TMEM123: variants seen among roughly 807,000 people sequenced by gnomAD.
TMEM123 encodes porimin.
In TMEM123, 16 loss-of-function variants were observed where a neutral mutation model predicts 19.7. The ratio of observed to expected loss-of-function variants is 0.81; its 90% CI spans 0.55 to 1.23. The LOEUF is 1.23. Ranked by LOEUF, TMEM123 falls within the 50% of genes most tolerant of loss-of-function variation. TMEM123 has a pLI of 0.00. For synonymous variants in TMEM123, 118 were observed against 99.4 expected, an observed-to-expected ratio of 1.19 and a Z score of -1.12; for missense variants, 313 against 257.8, an observed-to-expected ratio of 1.21 and a Z score of -1.47.
chr11:102,446,770 C>T (rs1037270655), intron 2 of TMEM123, among the ~76,000 whole-genome samples: 1 of 152,174 alleles, frequency 6.6e-6, no homozygotes, highest in Non-Finnish European at 1.5e-5. Flanking sequence ...GTGATAGACA[C>T]CCAACATTCT....
At chr11:102,407,514 A>G (rs567207474) in intron 2 of TMEM123, among the ~76,000 whole-genome samples, 1 of 152,344 alleles carries the variant, frequency 6.6e-6, no homozygotes, top group African/African-American at 2.4e-5. Flanking sequence ...AACTCACAGT[A>G]CTTCAGAATG....
intron 2 of TMEM123, among the ~76,000 whole-genome samples, chr11:102,440,680 A>T (rs1436530564): frequency 1.3e-5 from 2 of 152,242 alleles, no homozygotes; most frequent in Non-Finnish European, 1.5e-5. Context: ...TAATGACAGG[A>T]TCAAATCACA....
chr11:102,415,329 A>T (rs1485190584), intron 2 of TMEM123, among the ~76,000 whole-genome samples: 2 of 152,196 alleles, frequency 1.3e-5, no homozygotes, highest in Non-Finnish European at 1.5e-5. Flanking sequence ...ACTTGACCAA[A>T]TGGATCTAAC....
chr11:102,396,624 T>C lies in TMEM123; in HGVS notation c.*2243A>G, dbSNP rs1951858095. 6.6e-6 allele frequency: 1 copy of C among 152,250 alleles called. No homozygotes were observed. The highest frequency in any genetic ancestry group is 1.5e-5 in the Non-Finnish European group (1 of 68,050). The allele number at this position is 152,250 out of a possible 1,614,324, so 9.4% of individuals were successfully genotyped here. On this transcript the variant is annotated 3_prime_UTR_variant, in exon 5 of 5. Coordinates refer to ENST00000398136, the MANE Select transcript of TMEM123 (RefSeq NM_052932.3). ...AGGAATGCAAGCAAAACTGAGCATT[T>C]TTTTTATGCTTAAGAAATATGGTCC...
chr11:102,441,600 T>G (rs895849601), intron 2 of TMEM123, among the ~76,000 whole-genome samples: 1 of 151,986 alleles, frequency 6.6e-6, no homozygotes, highest in African/African-American at 2.4e-5. Flanking sequence ...AGGAAAGATC[T>G]AAAATTGACA....
intron 2 of TMEM123, among the ~76,000 whole-genome samples, chr11:102,418,088 C>G (rs908789370): frequency 6.6e-6 from 1 of 151,882 alleles, no homozygotes. Flanking sequence ...AAATAAAACC[C>G]TAGAAGAAAA....
At chr11:102,436,522 A>C (rs1228943620) in intron 2 of TMEM123, among the ~76,000 whole-genome samples, 1 of 151,994 alleles carries the variant, frequency 6.6e-6, no homozygotes, top group Non-Finnish European at 1.5e-5. Context: ...TGCATGAATT[A>C]CTTCACTAAT....
chr11:102,437,702 T>A (rs1173301488), intron 2 of TMEM123, among the ~76,000 whole-genome samples: 2 of 152,104 alleles, frequency 1.3e-5, no homozygotes, highest in Non-Finnish European at 2.9e-5. Context: ...TGGTTTAGAA[T>A]CACTATAGAA....
Position 102,398,396 on chromosome 11 carries a change from T to C in TMEM123, c.*471A>G. On this transcript the variant is annotated 3_prime_UTR_variant, in exon 5 of 5. Coordinates refer to ENST00000398136, the MANE Select transcript of TMEM123 (RefSeq NM_052932.3). ...TTATGCTTCAGATCTAGTTTGATTG[T>C]ATAATTTCTGTGTGGCATTAGTAAT... The C allele has an allele frequency of 2.5e-6, 1 of 395,782 alleles. No homozygotes were observed. The highest frequency in any genetic ancestry group is 4.4e-6 in the Non-Finnish European group (1 of 224,732). The allele number at this position is 395,782 out of a possible 1,614,324, so 24.5% of individuals were successfully genotyped here.
chr11:102,424,744 T>A (rs1952112349), intron 2 of TMEM123, among the ~76,000 whole-genome samples: 1 of 149,620 alleles, frequency 6.7e-6, no homozygotes, highest in Non-Finnish European at 1.5e-5. Context: ...AGACCCTGAG[T>A]TTCATTCTAA....
intron 2 of TMEM123, among the ~76,000 whole-genome samples, chr11:102,417,198 GAGA>G (rs1446946512): frequency 1.3e-5 from 2 of 152,152 alleles, no homozygotes; most frequent in East Asian, 3.8e-4. Context: ...AGGTAACCAA[GAGA>G]AAGTCAAACT....
At chr11:102,424,829 A>C (rs1396510146) in intron 2 of TMEM123, among the ~76,000 whole-genome samples, 3 of 152,204 alleles carry the variant, frequency 2.0e-5, no homozygotes, top group African/African-American at 7.2e-5. Context: ...GCTTGTAGAT[A>C]TGGGTCCTCA....
rs533210592 is a variant in TMEM123, at chr11:102,438,534, CTGAG to C, written c.157+10274_157+10277del. On this transcript the variant is annotated intron_variant, in intron 2 of 4. Transcript: ENST00000398136. ...GGCAGTCCAAACTAACAGCTGTTCACTGAGTAAGTGAGCATAATATTGCATTATT... is the reference window on the plus strand; with the variant it reads ...GGCAGTCCAAACTAACAGCTGTTCACTAAGTGAGCATAATATTGCATTATT... Among the ~76,000 whole-genome samples the C allele has an allele frequency of 3.2e-3, 491 of 152,316 alleles. 1 individual carries two copies. Among genetic ancestry groups the C allele is most frequent in the Middle Eastern group, 0.01 (3 of 294 alleles).
At chr11:102,425,925 C>T (rs1487098026) in intron 2 of TMEM123, among the ~76,000 whole-genome samples, 2 of 152,166 alleles carry the variant, frequency 1.3e-5, no homozygotes, top group Non-Finnish European at 2.9e-5. Context: ...TGCTCACTTA[C>T]ATTATCTGCA....
Position 102,448,716 on chromosome 11 carries a change from G to A in TMEM123, c.157+96C>T, listed in dbSNP as rs1026645976. ...GGGTGAAGAACTCAGGGTTAAAACA[G>A]GTCAGTGAACCAGCTTATGCCTACT... On this transcript the variant is annotated intron_variant, in intron 2 of 4. Coordinates refer to ENST00000398136, the MANE Select transcript of TMEM123 (RefSeq NM_052932.3). 4.2e-6 allele frequency: 5 copies of A among 1,188,976 alleles called. No homozygotes were observed. In the African/African-American group the frequency reaches 4.5e-5, roughly 11 times the overall value. 73.7% of individuals were successfully genotyped at this position (1,188,976 alleles called of 1,614,324 possible).
intron 2 of TMEM123, among the ~76,000 whole-genome samples, chr11:102,423,555 T>A (rs1018812981): frequency 6.6e-6 from 1 of 152,196 alleles, no homozygotes; most frequent in Non-Finnish European, 1.5e-5. Context: ...CAGTTAAGCC[T>A]TCATGACTGC....
chr11:102,433,786 G>T (rs376020206), intron 2 of TMEM123, among the ~76,000 whole-genome samples: 2 of 151,718 alleles, frequency 1.3e-5, no homozygotes, highest in Non-Finnish European at 2.9e-5. Flanking sequence ...TTTCCCCTAC[G>T]CTGTTCTCGT....
chr11:102,444,460 G>A (rs145879058), intron 2 of TMEM123, among the ~76,000 whole-genome samples: 43 of 143,904 alleles, frequency 3.0e-4, no homozygotes, highest in African/African-American at 7.8e-4. Flanking sequence ...ACCAAATACC[G>A]TATGTTCTCA....
intron 2 of TMEM123, among the ~76,000 whole-genome samples, chr11:102,421,509 A>G (rs1007663197): frequency 5.3e-5 from 8 of 151,520 alleles, no homozygotes; most frequent in African/African-American, 1.7e-4. Flanking sequence ...ACAAAGAGAT[A>G]TTCAGTCAGC....
Sources: gnomAD v4.1 joint callset for allele counts (sites outside exome capture counted in the v4.1 genomes callset) on GRCh38, gnomAD v4.1.1 for gene constraint, MANE v1.5 for transcripts, NCBI Gene and HGNC (gene_info 2026-07-23, HGNC 2026-07-21) for gene names.